Variants in MCPH1 observed in about 807,000 individuals in gnomAD.
MCPH1 encodes the protein microcephalin.
In MCPH1, 104 loss-of-function variants were observed where a neutral mutation model predicts 84.5. That is an observed-to-expected ratio of 1.23 (90% CI 1.05 to 1.45). MCPH1 has a LOEUF of 1.45. Ranked by LOEUF, MCPH1 falls within the 40% of genes most tolerant of loss-of-function variation. The probability of loss-of-function intolerance (pLI) is 0.00; values close to 1 mark genes in which losing one functional copy is unlikely to be tolerated. For missense variants in MCPH1, 1,498 were observed against 1,005.7 expected (o/e 1.49, Z -6.62); for synonymous variants, 514 against 366.8 (o/e 1.40, Z -4.58).
intron 12 of MCPH1, among the ~76,000 whole-genome samples, chr8:6,600,314 C>A (rs1018663865): frequency 1.1e-4 from 16 of 152,248 alleles, no homozygotes; most frequent in Admixed American, 9.2e-4. Flanking sequence ...AGCAGGGATG[C>A]CAGACCTTCT....
intron 3 of MCPH1, among the ~76,000 whole-genome samples, chr8:6,417,666 G>T (rs780237596): frequency 6.6e-6 from 1 of 151,562 alleles, no homozygotes; most frequent in Non-Finnish European, 1.5e-5. Flanking sequence ...TTTTTATTTC[G>T]GTTTCATGTG....
intron 3 of MCPH1, among the ~76,000 whole-genome samples, chr8:6,430,798 A>C (rs1402042201): frequency 6.6e-6 from 1 of 152,190 alleles, no homozygotes; most frequent in African/African-American, 2.4e-5. Context: ...AAGAAATTTA[A>C]GATTAATATT....
intron 12 of MCPH1, chr8:6,562,886 C>T (rs1005718399): frequency 2.5e-6 from 4 of 1,608,758 alleles, no homozygotes; most frequent in East Asian, 2.2e-5. Context: ...TTATAGGCTG[C>T]GGCCAAGACA....
chr8:6,562,291 C>G (rs557796300), intron 12 of MCPH1, among the ~76,000 whole-genome samples: 42 of 152,240 alleles, frequency 2.8e-4, no homozygotes, highest in African/African-American at 9.6e-4. Context: ...GAGAGCCTCC[C>G]TGGTGATGGG....
Position 6,515,136 on chromosome 8 carries a change from C to T in MCPH1, c.2214+15207C>T, listed in dbSNP as rs187669618. Among the ~76,000 whole-genome samples the T allele has an allele frequency of 2.0e-3, 303 of 152,122 alleles. 9 individuals are homozygous for T. The South Asian group carries it at 0.041, about 20-fold the overall frequency. On this transcript the variant is annotated intron_variant, in intron 12 of 13. Transcript: ENST00000344683. ...ATGGCACATTTTGGCAGATTGGCCC[C>T]GAACCCCACATCTCCATCCTGTAGA...
At chr8:6,629,851 C>T (rs1026274746) in intron 13 of MCPH1, among the ~76,000 whole-genome samples, 39 of 152,274 alleles carry the variant, frequency 2.6e-4, no homozygotes, top group African/African-American at 7.0e-4. Flanking sequence ...GTCCTGGCCC[C>T]TGATTTTCAG....
At chr8:6,495,522 C>G (rs1280478524) in intron 11 of MCPH1, among the ~76,000 whole-genome samples, 2 of 152,210 alleles carry the variant, frequency 1.3e-5, no homozygotes, top group Admixed American at 1.3e-4. Context: ...ATCAATTGCC[C>G]TAACTACTAA....
chr8:6,505,197 T>TGTATATATAGAATATATATATATTCTTAG (rs1813068347), intron 12 of MCPH1, among the ~76,000 whole-genome samples: 1 of 130,624 alleles, frequency 7.7e-6, no homozygotes, highest in Non-Finnish European at 1.6e-5. Flanking sequence ...TATATTCTTA[T>TGTATATATAGAATATATATATATTCTTAG]GTATATATAG....
At chr8:6,423,190 CT>C (rs1165558274) in intron 3 of MCPH1, among the ~76,000 whole-genome samples, 1 of 113,222 alleles carries the variant, frequency 8.8e-6, no homozygotes, top group Admixed American at 1.2e-4. Context: ...CTTTTCTTTT[CT>C]TTTTTTTTTT....
intron 8 of MCPH1, among the ~76,000 whole-genome samples, chr8:6,452,398 TG>T (rs1805192853): frequency 6.6e-6 from 1 of 152,230 alleles, no homozygotes; most frequent in African/African-American, 2.4e-5. Context: ...GATAAAAATG[TG>T]GGGTCTGTCA....
In MCPH1 at chr8:6,414,455, A is replaced by G. The variant is rs541031765; in HGVS notation, c.115-310A>G. On this transcript the variant is annotated intron_variant, in intron 2 of 13. Coordinates refer to ENST00000344683, the MANE Select transcript of MCPH1 (RefSeq NM_024596.5). Reference sequence around the variant, plus strand: ...TGTCCATTATTATCTGACTCTTTCCATCTTTAAAAATGTGGTGCCTTCTCA... The same window carrying G: ...TGTCCATTATTATCTGACTCTTTCCGTCTTTAAAAATGTGGTGCCTTCTCA... Among the ~76,000 whole-genome samples, 3 of 152,282 alleles carry G rather than the reference A, an allele frequency of 2.0e-5. No homozygotes were observed. In the South Asian group the frequency reaches 6.2e-4, roughly 32 times the overall value.
chr8:6,508,628 T>C, intron 12 of MCPH1: 1 of 562,726 alleles, frequency 1.8e-6, no homozygotes, highest in Non-Finnish European at 3.1e-6. Flanking sequence ...ACCATCTCTC[T>C]AGTATCCAGC....
intron 8 of MCPH1, chr8:6,446,958 T>C: frequency 1.0e-6 from 1 of 985,368 alleles, no homozygotes; most frequent in Non-Finnish European, 1.2e-6. Context: ...CAAGGCACCC[T>C]GGTGGGGACG....
chr8:6,499,592 A>G (rs1427784121), intron 11 of MCPH1: 2 of 303,026 alleles, frequency 6.6e-6, no homozygotes, highest in Non-Finnish European at 1.2e-5. Context: ...AAAACAGGAT[A>G]ATATTTAAAT....
At chr8:6,596,438 T>C (rs1260565003) in intron 12 of MCPH1, among the ~76,000 whole-genome samples, 1 of 152,144 alleles carries the variant, frequency 6.6e-6, no homozygotes, top group Non-Finnish European at 1.5e-5. Flanking sequence ...GCCCCATCTG[T>C]CAGGATAGTT....
intron 12 of MCPH1, chr8:6,509,126 T>C: frequency 6.4e-7 from 1 of 1,570,872 alleles, no homozygotes; most frequent in Middle Eastern, 1.7e-4. Context: ...AGTGGCAAAT[T>C]TTTTGTGATG....
chr8:6,522,511 C>T (rs908677429), intron 12 of MCPH1, among the ~76,000 whole-genome samples: 2 of 152,130 alleles, frequency 1.3e-5, no homozygotes, highest in African/African-American at 2.4e-5. Context: ...CAGTGGCTCA[C>T]ACCTATAATC....
intron 5 of MCPH1, among the ~76,000 whole-genome samples, chr8:6,437,921 T>G (rs1401666215): frequency 6.6e-6 from 1 of 152,208 alleles, no homozygotes; most frequent in Non-Finnish European, 1.5e-5. Flanking sequence ...ACAGTTCATC[T>G]CTGTGCTGCA....
intron 4 of MCPH1, 37 bp downstream of exon 4, chr8:6,431,623 G>C: frequency 7.4e-7 from 1 of 1,357,370 alleles, no homozygotes. Flanking sequence ...ATGGCAATTA[G>C]GAATTTATTC....
Sources: allele counts gnomAD v4.1 joint callset (sites outside exome capture counted in the v4.1 genomes callset), GRCh38; gene constraint gnomAD v4.1.1; transcripts MANE v1.5; gene names NCBI Gene and HGNC (gene_info 2026-07-23, HGNC 2026-07-21).